The following WWOX variants were observed in gnomAD, a reference collection of about 807,000 sequenced individuals.
WWOX encodes WW domain-containing oxidoreductase.
A neutral mutation model predicts 46.2 loss-of-function variants in WWOX; 69 were observed. The ratio of observed to expected loss-of-function variants is 1.49; its 90% CI spans 1.23 to 1.82. The LOEUF is 1.82. WWOX is among the 40% of genes most tolerant of loss of function. The probability of loss-of-function intolerance (pLI) is 0.00; values close to 1 mark genes in which losing one functional copy is unlikely to be tolerated. For synonymous variants in WWOX, 359 were observed against 202.6 expected (o/e 1.77, Z -6.56); for missense variants, 919 against 542.6 (o/e 1.69, Z -6.89).
intron 8 of WWOX, among the ~76,000 whole-genome samples, chr16:78,687,647 G>A (rs928986945): frequency 6.6e-6 from 1 of 152,090 alleles, no homozygotes; most frequent in African/African-American, 2.4e-5. Flanking sequence ...AGGAACCCTT[G>A]GTTAGCACAG....
chr16:78,145,488 A>G (rs1240082597), intron 4 of WWOX, among the ~76,000 whole-genome samples: 3 of 152,174 alleles, frequency 2.0e-5, no homozygotes, highest in Admixed American at 6.5e-5. Flanking sequence ...AAAGGCCGGA[A>G]GACTCAGCAA....
chr16:78,391,123 C>T (rs138709704), intron 6 of WWOX, among the ~76,000 whole-genome samples: 161 of 152,284 alleles, frequency 1.1e-3, no homozygotes, highest in African/African-American at 3.8e-3. Context: ...GAACCACCCG[C>T]CGTCTGCCTT....
intron 8 of WWOX, among the ~76,000 whole-genome samples, chr16:78,665,174 G>A (rs577760257): frequency 6.6e-6 from 1 of 152,258 alleles, no homozygotes; most frequent in Admixed American, 6.5e-5. Flanking sequence ...GGAGTAGGGA[G>A]CTGTGATGAC....
At chr16:79,009,215 A>G (rs73567398) in intron 8 of WWOX, among the ~76,000 whole-genome samples, 6,331 of 152,298 alleles carry the variant, frequency 0.042, 430 homozygotes, top group African/African-American at 0.14. Flanking sequence ...GATGATGTGA[A>G]TGCCAGTTCA....
At chr16:78,623,855 C>G (rs1305590978) in intron 8 of WWOX, among the ~76,000 whole-genome samples, 2 of 151,926 alleles carry the variant, frequency 1.3e-5, no homozygotes, top group Admixed American at 6.6e-5. Flanking sequence ...ATTATTTAGA[C>G]ACACTTCCAC....
intron 5 of WWOX, among the ~76,000 whole-genome samples, chr16:78,195,961 G>A (rs2036038995): frequency 6.6e-6 from 1 of 152,002 alleles, no homozygotes; most frequent in Non-Finnish European, 1.5e-5. Context: ...AGTGCAAGAT[G>A]TAAGCTAAGA....
chr16:78,414,433 G>A (rs902809369), intron 6 of WWOX, among the ~76,000 whole-genome samples: 3 of 152,138 alleles, frequency 2.0e-5, no homozygotes, highest in African/African-American at 7.2e-5. Context: ...GCTGGGCATG[G>A]TGCTGTGCAC....
At chr16:78,390,509 C>T (rs140374007) in intron 6 of WWOX, among the ~76,000 whole-genome samples, 2 of 152,156 alleles carry the variant, frequency 1.3e-5, no homozygotes, top group African/African-American at 4.8e-5. Context: ...TAGCACAACC[C>T]TCTTTGTATG....
At chr16:78,972,495 T>C (rs1432326707) in intron 8 of WWOX, among the ~76,000 whole-genome samples, 2 of 150,012 alleles carry the variant, frequency 1.3e-5, no homozygotes, top group African/African-American at 2.4e-5. Context: ...TAAAAGAACC[T>C]GAAGCCGCCA....
intron 8 of WWOX, among the ~76,000 whole-genome samples, chr16:79,127,806 A>T (rs2049790978): frequency 6.6e-6 from 1 of 152,198 alleles, no homozygotes; most frequent in African/African-American, 2.4e-5. Context: ...CTGAGAGTAC[A>T]TGTGGATGGG....
At chr16:78,329,007 T>A (rs7189650) in intron 5 of WWOX, among the ~76,000 whole-genome samples, 2 of 151,664 alleles carry the variant, frequency 1.3e-5, no homozygotes, top group African/African-American at 2.4e-5. Flanking sequence ...GACTACAGGC[T>A]CCCATCACCA....
At chr16:78,390,601 T>G (rs937291942) in intron 6 of WWOX, among the ~76,000 whole-genome samples, 2 of 152,216 alleles carry the variant, frequency 1.3e-5, no homozygotes, top group African/African-American at 4.8e-5. Context: ...CGAGAGATTT[T>G]ACTTTTGAAA....
intron 8 of WWOX, among the ~76,000 whole-genome samples, chr16:78,615,941 A>T (rs946863782): frequency 6.6e-6 from 1 of 151,968 alleles, no homozygotes; most frequent in Non-Finnish European, 1.5e-5. Context: ...TAGTAGAGAC[A>T]GGGTTTCACT....
At chr16:78,734,847 T>C (rs1027493448) in intron 8 of WWOX, among the ~76,000 whole-genome samples, 4 of 57,506 alleles carry the variant, frequency 7.0e-5, no homozygotes, top group African/African-American at 4.5e-4. Context: ...AGTCCTTTTT[T>C]TTTTTTTTTT....
At position 79,003,612 on chromosome 16, in the gene WWOX, G is replaced by C. The variant is rs193295772; in HGVS notation, c.1057-207996G>C. ...AGGAGAGCTGGCCTTGGAGAGTCTA[G>C]GATGGCTTTTGTCACATGTCCAGGG... On this transcript the variant is annotated intron_variant, in intron 8 of 8. Coordinates refer to ENST00000566780, the MANE Select transcript of WWOX (RefSeq NM_016373.4). Among the ~76,000 whole-genome samples, 22 of 152,274 alleles carry C rather than the reference G, an allele frequency of 1.4e-4. No homozygotes were observed. In the East Asian group the frequency reaches 2.9e-3, roughly 20 times the overall value.
chr16:79,013,398 G>T (rs1436276889), intron 8 of WWOX, among the ~76,000 whole-genome samples: 1 of 152,214 alleles, frequency 6.6e-6, no homozygotes, highest in Non-Finnish European at 1.5e-5. Context: ...TCTCTGCTCA[G>T]TTCTGGTAAC....
rs143426906 is a variant in WWOX at position 78,675,704 on chromosome 16, G to T, written c.1056+242952G>T. 2.2e-3 allele frequency among the ~76,000 whole-genome samples: 339 copies of T among 152,274 alleles called. 1 individual carries two copies. The highest frequency in any genetic ancestry group is 7.8e-3 in the African/African-American group (323 of 41,550). Reference sequence around the variant, plus strand: ...AAACATGACTTTCTGGCCAGGCGCAGTGGCTCATGCCTATAACCCTGCACT... The same window carrying T: ...AAACATGACTTTCTGGCCAGGCGCATTGGCTCATGCCTATAACCCTGCACT... On this transcript the variant is annotated intron_variant, in intron 8 of 8. Coordinates refer to ENST00000566780, the MANE Select transcript of WWOX (RefSeq NM_016373.4).
chr16:78,609,131 C>G (rs1377375642), intron 8 of WWOX, among the ~76,000 whole-genome samples: 2 of 152,070 alleles, frequency 1.3e-5, no homozygotes, highest in African/African-American at 2.4e-5. Flanking sequence ...TACAGAGGGG[C>G]AGGGGAAGGT....
chr16:78,382,428 C>T (rs975600203), intron 5 of WWOX, among the ~76,000 whole-genome samples: 19 of 152,124 alleles, frequency 1.2e-4, no homozygotes, highest in African/African-American at 4.1e-4. Context: ...TGAGCTGGGC[C>T]CACTGACCTA....
Sources: allele counts gnomAD v4.1 joint callset (sites outside exome capture counted in the v4.1 genomes callset), GRCh38; gene constraint gnomAD v4.1.1; transcripts MANE v1.5; gene names NCBI Gene and HGNC (gene_info 2026-07-23, HGNC 2026-07-21).